ITIH4: variants seen among roughly 807,000 people sequenced by gnomAD.
ITIH4 encodes the protein inter-alpha-trypsin inhibitor heavy chain H4.
ITIH4 carries 79 observed loss-of-function variants against 111.8 expected under a neutral mutation model. The observed-to-expected ratio is 0.71, with a 90% CI of 0.59 to 0.85. ITIH4 has a LOEUF of 0.85. Ranked by LOEUF, ITIH4 falls within the 40% of genes least tolerant of loss-of-function variation. The pLI is 0.00. For synonymous variants in ITIH4, 472 were observed against 468.3 expected (o/e 1.01, Z -0.10); for missense variants, 1,065 against 1,195.8 (o/e 0.89, Z 1.61).
chr3:52,823,935 C>T lies in ITIH4; in HGVS notation c.1241G>A (p.Cys414Tyr). The T allele has an allele frequency of 6.2e-7, 1 of 1,606,870 alleles. No homozygotes were observed. The change falls in exon 10 of 24, where the codon TGC becomes TAC. Residue 414 changes from cysteine to tyrosine, a missense_variant. Transcript: ENST00000266041. ...EAVSGRYSLFCLGFGFDVSYA... is the reference protein window; with the variant it reads ...EAVSGRYSLFYLGFGFDVSYA... Reference sequence around the variant, plus strand: ...GCTGACGTCGAAACCGAAGCCCAGGCAGAAGAGGCTGTACCGGCCACTTAC... The same window carrying T: ...GCTGACGTCGAAACCGAAGCCCAGGTAGAAGAGGCTGTACCGGCCACTTAC...
chr3:52,826,138 G>A (rs1381819459), intron 5 of ITIH4, 124 bp from the exon 6 acceptor site: 2 of 1,363,924 alleles, frequency 1.5e-6, no homozygotes, highest in Non-Finnish European at 2.0e-6. Context: ...CGTATTCCAG[G>A]GCACTTTCTT....
In ITIH4 at chr3:52,814,310, T is replaced by C. The variant is rs187101592; in HGVS notation, c.2525A>G (p.Lys842Arg). Residue 842 changes from lysine to arginine, a missense_variant, in exon 22 of 24, where the codon AAA (lysine) becomes AGA (arginine). Transcript: ENST00000266041. ...CCAGAACAACAGGCCGATGGTCACT[T>C]TGTCTGGGTCACTGAGCAGCAGGAG... Reference protein sequence around the residue: ...TGLLLLSDPDKVTIGLLFWDG... With the variant: ...TGLLLLSDPDRVTIGLLFWDG... The C allele has an allele frequency of 3.7e-5, 60 of 1,614,060 alleles. No homozygotes were observed. In the African/African-American group the frequency reaches 6.9e-4, roughly 19 times the overall value.
intron 2 of ITIH4, 71 bp downstream of exon 2, chr3:52,829,048 T>C: frequency 7.3e-7 from 1 of 1,362,326 alleles, no homozygotes; most frequent in East Asian, 2.7e-5. Context: ...GAAGAGGGTT[T>C]GCTGGCACAG....
At position 52,824,148 on chromosome 3, in the gene ITIH4, C is replaced by T. The variant is rs1416593600; in HGVS notation, c.1171+42G>A. ...AGCCCAGGTGCAGCCCCAGCCGCCT[C>T]CCCTGTGCAGCACGTCCTGGAGTCA... is the stretch of plus-strand genomic sequence containing the variant. On this transcript the variant is annotated intron_variant, in intron 9 of 23. Transcript: ENST00000266041. The surrounding 1 kb of genome is among the most constrained non-coding windows in gnomAD (Gnocchi z 4.3). 1 of 1,606,270 alleles carries T rather than the reference C, an allele frequency of 6.2e-7. No homozygotes were observed. Among genetic ancestry groups the T allele is most frequent in the Non-Finnish European group, 8.5e-7 (1 of 1,174,786 alleles).
At chr3:52,823,210 C>T in intron 11 of ITIH4, 1 of 213,140 alleles carries the variant, frequency 4.7e-6, no homozygotes, top group African/African-American at 2.3e-5. Context: ...GCTGCCTGCC[C>T]TGCCTGGAGC....
At chr3:52,822,646 T>C (rs1273618087) in intron 11 of ITIH4, among the ~76,000 whole-genome samples, 1 of 152,136 alleles carries the variant, frequency 6.6e-6, no homozygotes, top group Non-Finnish European at 1.5e-5. Context: ...ATGTCTCCTA[T>C]CTGGGAGGTG....
rs762624384 is a variant in ITIH4, at chr3:52,823,513, G to A, written c.1539+43C>T. ...GTCCAGCCCCTCTGGCTGCAGAGGT[G>A]GAGGCTGCCATTCCCCTCCAGGGTG... On this transcript the variant is annotated intron_variant, in intron 11 of 23. Coordinates refer to ENST00000266041, the MANE Select transcript of ITIH4 (RefSeq NM_002218.5). 6.4e-5 allele frequency: 97 copies of A among 1,518,480 alleles called. No individual in the cohort carries two copies. In the Middle Eastern group the frequency reaches 1.4e-3, roughly 22 times the overall value. The allele number at this position is 1,518,480 out of a possible 1,614,324, so 94.1% of individuals were successfully genotyped here.
chr3:52,825,043 T>C (rs1325947649), intron 6 of ITIH4, 85 bp from the exon 7 acceptor site: 2 of 901,714 alleles, frequency 2.2e-6, no homozygotes, highest in African/African-American at 3.3e-5. Context: ...AAATTCTGGG[T>C]TTCTGTGCTC....
chr3:52,822,525 A>G (rs1161894727), intron 11 of ITIH4, among the ~76,000 whole-genome samples: 1 of 152,120 alleles, frequency 6.6e-6, no homozygotes, highest in Admixed American at 6.5e-5. Context: ...ACATGTATGG[A>G]GTGCTTATCA....
At chr3:52,828,320 C>T (rs916701862) in intron 2 of ITIH4, among the ~76,000 whole-genome samples, 4 of 152,314 alleles carry the variant, frequency 2.6e-5, no homozygotes, top group African/African-American at 7.2e-5. Context: ...AGCATAGGCC[C>T]GGGCTCTGGG....
At chr3:52,813,703 G>A (rs1700228176) in intron 23 of ITIH4, among the ~76,000 whole-genome samples, 1 of 152,236 alleles carries the variant, frequency 6.6e-6, no homozygotes, top group African/African-American at 2.4e-5. Context: ...GGCTCTGGGA[G>A]TTCAGGGTGT....
chr3:52,817,970 G>T (rs1700308310), intron 20 of ITIH4, 82 bp downstream of exon 20: 2 of 1,068,120 alleles, frequency 1.9e-6, no homozygotes, highest in Non-Finnish European at 2.9e-6. Context: ...GGGCCAGCCT[G>T]CACGCGCTGT....
chr3:52,820,926 C>T (rs1330847550), intron 12 of ITIH4, 65 bp downstream of exon 12: 11 of 1,585,380 alleles, frequency 6.9e-6, no homozygotes, highest in Admixed American at 3.4e-5. Context: ...CATGCTTAGG[C>T]GCTGTACCGT....
chr3:52,827,742 T>C (rs1477792068), intron 2 of ITIH4, among the ~76,000 whole-genome samples: 3 of 152,138 alleles, frequency 2.0e-5, no homozygotes, highest in South Asian at 2.1e-4. Context: ...AGGCACCCTA[T>C]AGGGAGGCTG....
chr3:52,824,138 C>T lies in ITIH4; in HGVS notation c.1171+52G>A. ...TCCCACAGCAAGCCCAGGTGCAGCC[C>T]CAGCCGCCTCCCCTGTGCAGCACGT... is the stretch of plus-strand genomic sequence containing the variant. On this transcript the variant is annotated intron_variant, in intron 9 of 23. Transcript: ENST00000266041. The surrounding 1 kb of genome is among the most constrained non-coding windows in gnomAD (Gnocchi z 4.3). The T allele has an allele frequency of 6.3e-7, 1 of 1,598,762 alleles. No individual in the cohort carries two copies. The highest frequency in any genetic ancestry group is 8.6e-7 in the Non-Finnish European group (1 of 1,169,258).
chr3:52,830,516 T>C (rs1216270901), intron 1 of ITIH4, 37 bp downstream of exon 1: 3 of 1,583,252 alleles, frequency 1.9e-6, no homozygotes, highest in African/African-American at 1.3e-5. Flanking sequence ...CGTTCTCTCA[T>C]CCCCCAGCTC....
chr3:52,825,807 G>C (rs1330392031), intron 6 of ITIH4, 79 bp downstream of exon 6: 1 of 1,501,658 alleles, frequency 6.7e-7, no homozygotes, highest in African/African-American at 1.4e-5. Context: ...TTCTTTTCCT[G>C]TTCTAAAATA....
At position 52,813,555 on chromosome 3, in the gene ITIH4, G is replaced by A. The variant is rs1700226627; in HGVS notation, c.2724-65C>T. ...AATCTCAGGTGTGGTGCGAAAAGAG[G>A]GAGACAGCTGGGGACAGGAACATGG... is the stretch of plus-strand genomic sequence containing the variant. On this transcript the variant is annotated intron_variant, in intron 23 of 23. Transcript: ENST00000266041. 4 of 1,404,022 alleles carry A rather than the reference G, an allele frequency of 2.8e-6. No individual in the cohort carries two copies. The Admixed American group carries it at 5.0e-5, about 18-fold the overall frequency. The allele number at this position is 1,404,022 out of a possible 1,614,324, so 87.0% of individuals were successfully genotyped here.
At chr3:52,819,617 G>C (rs184752179) in intron 16 of ITIH4, 99 bp from the exon 17 acceptor site, 1 of 1,575,624 alleles carries the variant, frequency 6.3e-7, no homozygotes, top group South Asian at 1.1e-5. Flanking sequence ...GGAGAGGGCA[G>C]CTATGTCCCC....
Sources: gnomAD v4.1 joint callset for allele counts (sites outside exome capture counted in the v4.1 genomes callset) on GRCh38, gnomAD v4.1.1 for gene constraint, Gnocchi (gnomAD v3.1) non-coding constraint, MANE v1.5 for transcripts, NCBI Gene and HGNC (gene_info 2026-07-23, HGNC 2026-07-21) for gene names.